The following DMXL2 variants were observed in gnomAD, a reference collection of about 807,000 sequenced individuals.
DMXL2 encodes the protein dmX-like protein 2.
In DMXL2, 103 loss-of-function variants were observed where a neutral mutation model predicts 331.1. The observed-to-expected ratio is 0.31, with a 90% CI of 0.27 to 0.37. DMXL2 has a LOEUF of 0.37. Among genes scored for constraint, DMXL2 ranks in the 10% least tolerant of loss-of-function variants. The pLI is 1.00. For synonymous variants in DMXL2, 1,281 were observed against 1,252.1 expected (o/e 1.02, Z -0.49); for missense variants, 3,171 against 3,642.9 (o/e 0.87, Z 3.33).
rs776784359 is a variant in DMXL2, at chr15:51,481,281, C to G, written c.5825G>C (p.Ser1942Thr). ...AATGCCAGAACTTCCATTGCCATCA[C>G]TCAGAGCTTTTGAATGTGAAGGTAC... ...DDVPSHSKALSDGNGSSGIEW... is the reference protein window; with the variant it reads ...DDVPSHSKALTDGNGSSGIEW... The change falls in exon 24 of 44, where the codon AGT (serine) becomes ACT (threonine). Residue 1942 changes from serine to threonine, a missense_variant. By Grantham distance (58) the Ser-to-Thr change is moderately conservative. Transcript: ENST00000560891. 4.3e-6 allele frequency: 7 copies of G among 1,614,008 alleles called. No homozygotes were observed. In the East Asian group the frequency reaches 1.6e-4, roughly 36 times the overall value.
At chr15:51,519,926 A>C (rs1476289058) in intron 13 of DMXL2, among the ~76,000 whole-genome samples, 1 of 152,106 alleles carries the variant, frequency 6.6e-6, no homozygotes, top group Non-Finnish European at 1.5e-5. Flanking sequence ...TACAGGGTTC[A>C]CCGCACCCAG....
chr15:51,493,976 GA>G lies in DMXL2; in HGVS notation c.4783+1047del, dbSNP rs200185923. ...GTAGTACGTGTATACAAACTTCTGG[GA>G]ATGTAAATGAGCACATTTCTGAAGG... On this transcript the variant is annotated intron_variant, in intron 19 of 43. Coordinates refer to ENST00000560891, the MANE Select transcript of DMXL2 (RefSeq NM_001378457.1). 3.8e-3 allele frequency among the ~76,000 whole-genome samples: 579 copies of G among 151,962 alleles called. 4 individuals are homozygous for G. The highest frequency in any genetic ancestry group is 0.014 in the African/African-American group (561 of 41,428).
intron 33 of DMXL2, chr15:51,459,913 T>C: frequency 8.9e-7 from 1 of 1,127,562 alleles, no homozygotes; most frequent in East Asian, 6.1e-5. Context: ...AAAAATTAGT[T>C]ATCTGTATAC....
chr15:51,534,169 C>A (rs2048158074), intron 13 of DMXL2, among the ~76,000 whole-genome samples: 1 of 152,154 alleles, frequency 6.6e-6, no homozygotes, highest in African/African-American at 2.4e-5. Context: ...ACTGTCAAAA[C>A]ATAAATGTAT....
chr15:51,498,097 C>T (rs758901309), intron 18 of DMXL2, among the ~76,000 whole-genome samples: 5 of 152,004 alleles, frequency 3.3e-5, no homozygotes, highest in Non-Finnish European at 5.9e-5. Flanking sequence ...ATTAGCTGGG[C>T]CCCATGGTGG....
chr15:51,451,387 C>T (rs543218844), intron 42 of DMXL2, among the ~76,000 whole-genome samples: 1 of 152,282 alleles, frequency 6.6e-6, no homozygotes, highest in African/African-American at 2.4e-5. Context: ...GTTAGTAGTA[C>T]CACTATCCAT....
intron 6 of DMXL2, among the ~76,000 whole-genome samples, chr15:51,549,922 CT>C (rs1028933494): frequency 2.6e-5 from 4 of 152,158 alleles, no homozygotes; most frequent in African/African-American, 7.2e-5. Context: ...TCTGTTTACT[CT>C]GCTGACTGTT....
chr15:51,469,788 A>C (rs1446228867), intron 29 of DMXL2, among the ~76,000 whole-genome samples: 4 of 152,224 alleles, frequency 2.6e-5, no homozygotes, highest in African/African-American at 4.8e-5. Flanking sequence ...TACATTTTTA[A>C]GAGTACTTTA....
In DMXL2 at chr15:51,502,936, G is replaced by C; in HGVS notation, c.2862C>G (p.Pro954=). 6.2e-7 allele frequency: 1 copy of C among 1,614,048 alleles called. No homozygotes were observed. The highest frequency in any genetic ancestry group is 2.2e-5 in the East Asian group (1 of 44,866). Reference sequence around the variant, plus strand: ...TGGCAATTGATGAAGAATGTGGCATGGGGCTCACACTAGGAGAGGTTTCTG... The same window carrying C: ...TGGCAATTGATGAAGAATGTGGCATCGGGCTCACACTAGGAGAGGTTTCTG... ...SSPETSPSVS[P]MPHSSSIANL... The change falls in exon 17 of 44, where the codon CCC becomes CCG. Residue 954 remains proline, a synonymous_variant. Coordinates refer to ENST00000560891, the MANE Select transcript of DMXL2 (RefSeq NM_001378457.1).
intron 1 of DMXL2, among the ~76,000 whole-genome samples, chr15:51,588,552 T>C (rs2052038509): frequency 6.6e-6 from 1 of 152,238 alleles, no homozygotes; most frequent in Non-Finnish European, 1.5e-5. Flanking sequence ...TATTATGTCA[T>C]ATATACCAAC....
At chr15:51,502,735 T>C in intron 17 of DMXL2, 71 bp downstream of exon 17, 1 of 986,352 alleles carries the variant, frequency 1.0e-6, no homozygotes, top group East Asian at 2.4e-5. Flanking sequence ...AGTTCATCTA[T>C]TTTATCCACT....
rs2050188428 is a variant in DMXL2, at chr15:51,565,118, C to A, written c.334G>T (p.Val112Leu). ...LKTGQFFLSS[V>L]TYNLAWDPQD... ...GGATCCCATGCTAAGTTGTATGTCA[C>A]AGAACTCAAAAAAAACTGCCCAGTT... The change falls in exon 4 of 44, where the codon GTG becomes TTG. Residue 112 changes from valine to leucine, a missense_variant. Val to Leu is a conservative substitution (Grantham distance 32). Coordinates refer to ENST00000560891, the MANE Select transcript of DMXL2 (RefSeq NM_001378457.1). The A allele has an allele frequency of 6.3e-7, 1 of 1,584,312 alleles. No homozygotes were observed. Among genetic ancestry groups the A allele is most frequent in the Non-Finnish European group, 8.6e-7 (1 of 1,167,360 alleles).
chr15:51,537,823 A>C (rs1350207683), intron 10 of DMXL2, 64 bp from the exon 11 acceptor site: 2 of 1,461,008 alleles, frequency 1.4e-6, no homozygotes, highest in Non-Finnish European at 9.2e-7. Context: ...CTAGACTATA[A>C]ATAAATGGCA....
At chr15:51,603,767 C>G (rs1443845916) in intron 1 of DMXL2, 2 of 152,044 alleles carry the variant, frequency 1.3e-5, no homozygotes, top group Non-Finnish European at 2.9e-5. Flanking sequence ...AGTCACGAGG[C>G]TGAGGCAGGA....
intron 1 of DMXL2, among the ~76,000 whole-genome samples, chr15:51,600,633 T>TC (rs2053161560): frequency 6.6e-6 from 1 of 152,194 alleles, no homozygotes; most frequent in South Asian, 2.1e-4. Flanking sequence ...TACCATCTCC[T>TC]CTGTAGCTCA....
In DMXL2 at chr15:51,497,844, T is replaced by A. The variant is rs1303255944; in HGVS notation, c.4672+708A>T. Among the ~76,000 whole-genome samples the A allele has an allele frequency of 2.6e-5, 4 of 152,346 alleles. No individual in the cohort carries two copies. The South Asian group carries it at 8.3e-4, about 32-fold the overall frequency. ...TGGGAAGACCAACAAGTTGAGCCCA[T>A]GAGGTCCCAATAAGCCTCATGATTC... On this transcript the variant is annotated intron_variant, in intron 18 of 43. Transcript: ENST00000560891.
At chr15:51,533,420 T>C (rs1201155581) in intron 13 of DMXL2, among the ~76,000 whole-genome samples, 1 of 152,026 alleles carries the variant, frequency 6.6e-6, no homozygotes. Context: ...AACAAAACAC[T>C]GAGTATAATG....
intron 16 of DMXL2, among the ~76,000 whole-genome samples, chr15:51,504,704 T>A (rs2043928689): frequency 6.6e-6 from 1 of 152,186 alleles, no homozygotes; most frequent in South Asian, 2.1e-4. Context: ...CATTTTTTTG[T>A]AAAATGAAAT....
chr15:51,506,607 C>T (rs2046415233), intron 16 of DMXL2, among the ~76,000 whole-genome samples: 1 of 152,038 alleles, frequency 6.6e-6, no homozygotes, highest in Non-Finnish European at 1.5e-5. Context: ...GCGCCCGCCA[C>T]CACGCCCGGC....
Sources: gnomAD v4.1 joint callset for allele counts (sites outside exome capture counted in the v4.1 genomes callset) on GRCh38, gnomAD v4.1.1 for gene constraint, MANE v1.5 for transcripts, NCBI Gene and HGNC (gene_info 2026-07-23, HGNC 2026-07-21) for gene names.